DOCK9: variants seen among roughly 807,000 people sequenced by gnomAD.
DOCK9 encodes the protein dedicator of cytokinesis protein 9.
Under a neutral mutation model 263.3 loss-of-function variants are expected in DOCK9, and 89 were observed. The observed-to-expected ratio is 0.34, with a 90% CI of 0.28 to 0.40. The LOEUF (loss-of-function observed/expected upper bound fraction) is 0.40. Ranked by LOEUF, DOCK9 falls within the 10% of genes least tolerant of loss-of-function variation. DOCK9 has a pLI of 1.00. For missense variants in DOCK9, 2,140 were observed against 2,603.4 expected, an observed-to-expected ratio of 0.82 and a Z score of 3.87; for synonymous variants, 976 against 973.1, an observed-to-expected ratio of 1.00 and a Z score of -0.06.
At chr13:98,945,408 G>A (rs1248202180) in intron 2 of DOCK9, among the ~76,000 whole-genome samples, 2 of 152,174 alleles carry the variant, frequency 1.3e-5, no homozygotes, top group African/African-American at 4.8e-5. Context: ...CTCAGACACT[G>A]ACATGTCCCT....
chr13:99,087,854 C>T (rs1036948805), upstream of DOCK9: 3 of 152,292 alleles, frequency 2.0e-5, no homozygotes, highest in Non-Finnish European at 4.4e-5. Flanking sequence ...GGTCGGCCTC[C>T]GCAGAGAGTG....
chr13:98,853,612 A>G, intron 34 of DOCK9, 90 bp from the exon 35 acceptor site: 2 of 912,700 alleles, frequency 2.2e-6, no homozygotes, highest in Non-Finnish European at 3.5e-6. Flanking sequence ...GACTCTTAGA[A>G]TCAAGTCAGA....
intron 1 of DOCK9, among the ~76,000 whole-genome samples, chr13:99,045,936 C>CA (rs35637605): frequency 1.0e-3 from 145 of 138,270 alleles, no homozygotes; most frequent in Admixed American, 1.3e-3. Context: ...ACTAAAAATA[C>CA]AAAAAAAAAA....
chr13:98,978,428 C>T (rs903009268), upstream of DOCK9, among the ~76,000 whole-genome samples: 2 of 152,180 alleles, frequency 1.3e-5, no homozygotes, highest in African/African-American at 4.8e-5. Flanking sequence ...AAATGCCTGG[C>T]TGATGATTAA....
chr13:99,086,364 G>GCCGCCT (rs756876374), exon 1 of DOCK9: 35 of 1,292,312 alleles, frequency 2.7e-5, no homozygotes, highest in Admixed American at 3.6e-5. Context: ...TCCTGCCCCC[G>GCCGCCT]CCGCCTCCGC....
chr13:98,881,598 T>A lies in DOCK9; in HGVS notation c.2705A>T (p.His902Leu). ...RVIIHVVAQC[H>L]EEGLESHLRS... Reference sequence around the variant, plus strand: ...CAAGTGGCTCTCCAATCCTTCCTCATGGCACTGGGCAACCACATGAATAAT... The same window carrying A: ...CAAGTGGCTCTCCAATCCTTCCTCAAGGCACTGGGCAACCACATGAATAAT... Residue 902 changes from histidine to leucine, a missense_variant, in exon 25 of 53, where the codon CAT becomes CTT. By Grantham distance (99) the His-to-Leu change is moderately conservative (BLOSUM62 -3). Transcript: ENST00000682017. 1 of 1,609,704 alleles carries A rather than the reference T, an allele frequency of 6.2e-7. No homozygotes were observed. Among genetic ancestry groups the A allele is most frequent in the Non-Finnish European group, 8.5e-7 (1 of 1,178,158 alleles).
intron 1 of DOCK9, among the ~76,000 whole-genome samples, chr13:99,003,197 T>C (rs1004003647): frequency 6.6e-6 from 1 of 152,226 alleles, no homozygotes; most frequent in Admixed American, 6.5e-5. Flanking sequence ...GTAAAGATGA[T>C]GGTGTTGGTG....
intron 45 of DOCK9, among the ~76,000 whole-genome samples, chr13:98,817,429 G>A (rs1053705198): frequency 2.1e-5 from 3 of 141,266 alleles, no homozygotes; most frequent in African/African-American, 7.9e-5. Flanking sequence ...ATAGCAGTGT[G>A]AGAACAGACT....
chr13:98,996,694 G>A (rs1881120099), intron 1 of DOCK9, among the ~76,000 whole-genome samples: 1 of 152,120 alleles, frequency 6.6e-6, no homozygotes, highest in South Asian at 2.1e-4. Context: ...TTTTTTAAAA[G>A]CTCATCAGCT....
chr13:98,849,880 C>T (rs2093511609), intron 36 of DOCK9, among the ~76,000 whole-genome samples, 167 bp downstream of exon 36: 1 of 152,152 alleles, frequency 6.6e-6, no homozygotes, highest in Non-Finnish European at 1.5e-5. Context: ...CACTGGGTCA[C>T]AAGCCCTGAA....
At chr13:99,045,563 C>T (rs1418621497) in intron 1 of DOCK9, among the ~76,000 whole-genome samples, 1 of 152,056 alleles carries the variant, frequency 6.6e-6, no homozygotes, top group Non-Finnish European at 1.5e-5. Flanking sequence ...AGGGGGAATA[C>T]AGTATAAACA....
Position 98,883,045 on chromosome 13 carries a change from A to T in DOCK9, c.2556T>A (p.Leu852=). ...QALGNELVKY[L]KSLHAMEGHV... is the part of the protein sequence containing the mutation. ...TACTAAGAAAGCCATGTGATACCTT[A>T]AGGTACTTTACAAGTTCGTTTCCTA... Residue 852 remains leucine, a synonymous_variant, in exon 23 of 53, where the codon CTT becomes CTA. Coordinates refer to ENST00000682017, the MANE Select transcript of DOCK9 (RefSeq NM_001366683.2). 1 of 1,613,242 alleles carries T rather than the reference A, an allele frequency of 6.2e-7. No individual in the cohort carries two copies. Among genetic ancestry groups the T allele is most frequent in the Non-Finnish European group, 8.5e-7 (1 of 1,179,606 alleles).
chr13:98,965,643 T>C (rs1270022905), intron 1 of DOCK9, among the ~76,000 whole-genome samples: 1 of 152,204 alleles, frequency 6.6e-6, no homozygotes, highest in Non-Finnish European at 1.5e-5. Flanking sequence ...GCACTTTCAT[T>C]GACAATGTGC....
chr13:98,913,864 A>AT (rs1324519563), intron 9 of DOCK9, among the ~76,000 whole-genome samples: 1 of 151,944 alleles, frequency 6.6e-6, no homozygotes, highest in Non-Finnish European at 1.5e-5. Context: ...GGAATAGCTT[A>AT]TTTTTTTTCC....
chr13:98,885,053 A>G lies in DOCK9; in HGVS notation c.2300T>C (p.Val767Ala), dbSNP rs755992735. 1 of 1,613,610 alleles carries G rather than the reference A, an allele frequency of 6.2e-7. No individual in the cohort carries two copies. The highest frequency in any genetic ancestry group is 8.5e-7 in the Non-Finnish European group (1 of 1,179,784). Reference protein sequence around the residue: ...SWLPLLKDGRVVTSEQHIPVS... With the variant: ...SWLPLLKDGRAVTSEQHIPVS... ...CGGGATGTGCTGCTCGCTTGTCACC[A>G]CCCTTCCGTCTTTCAGGAGGGGAAG... The change falls in exon 21 of 53, where the codon GTG becomes GCG. Residue 767 changes from valine (V) to alanine (A), a missense_variant. By Grantham distance (64) the Val-to-Ala change is moderately conservative. Around this residue, in one of 2 missense-constraint regions of DOCK9, gnomAD observed 1,521 missense variants for 1,741.7 expected, o/e 0.87. Transcript: ENST00000682017.
intron 1 of DOCK9, among the ~76,000 whole-genome samples, chr13:99,069,375 A>T (rs150243432): frequency 6.6e-6 from 1 of 152,356 alleles, no homozygotes; most frequent in African/African-American, 2.4e-5. Flanking sequence ...AAACATGAAT[A>T]TCAATTTCAC....
chr13:98,869,290 C>T (rs924877528), intron 27 of DOCK9, among the ~76,000 whole-genome samples: 5 of 152,216 alleles, frequency 3.3e-5, no homozygotes. Context: ...CACTGCACTA[C>T]ATATTTGTAT....
At chr13:99,008,978 T>A (rs1195824038) in intron 1 of DOCK9, among the ~76,000 whole-genome samples, 3 of 152,250 alleles carry the variant, frequency 2.0e-5, no homozygotes, top group African/African-American at 7.2e-5. Flanking sequence ...TATATTTTTA[T>A]GAATAGTGGT....
At chr13:98,831,956 A>G (rs1376251159) in intron 39 of DOCK9, 170 bp from the exon 40 acceptor site, 9 of 753,536 alleles carry the variant, frequency 1.2e-5, no homozygotes, top group Admixed American at 6.0e-5. Context: ...TAGAACAAGC[A>G]AATCTATCAA....
Sources: gnomAD v4.1 joint callset for allele counts (sites outside exome capture counted in the v4.1 genomes callset) on GRCh38, gnomAD v4.1.1 for gene constraint, gnomAD v4.1.1 regional missense constraint, MANE v1.5 for transcripts, NCBI Gene and HGNC (gene_info 2026-07-23, HGNC 2026-07-21) for gene names.